YPEL2: variants seen among roughly 807,000 people sequenced by gnomAD.
The protein encoded by YPEL2 is yippee like 2, also known as protein yippee-like 2.
Under a neutral mutation model 19.1 loss-of-function variants are expected in YPEL2, and 2 were observed. The ratio of observed to expected loss-of-function variants is 0.10; its 90% CI spans 0.04 to 0.33. The LOEUF (loss-of-function observed/expected upper bound fraction) is 0.33, where lower values mean the gene tolerates loss of function less well. Ranked by LOEUF, YPEL2 falls within the 10% of genes least tolerant of loss-of-function variation. The pLI, the probability that YPEL2 is intolerant of heterozygous loss-of-function variation, is 1.00. For synonymous variants in YPEL2, 52 were observed against 50.0 expected (o/e 1.04, Z -0.17); for missense variants, 66 against 140.7 (o/e 0.47, Z 2.68).
intron 1 of YPEL2, among the ~76,000 whole-genome samples, chr17:59,339,703 G>A (rs1356944031): frequency 6.6e-6 from 1 of 152,024 alleles, no homozygotes; most frequent in African/African-American, 2.4e-5. Flanking sequence ...AAGGGACGGG[G>A]GATTTGAATC....
intron 2 of YPEL2, among the ~76,000 whole-genome samples, chr17:59,361,949 C>T (rs1160033094): frequency 2.6e-5 from 4 of 152,070 alleles, no homozygotes; most frequent in African/African-American, 7.2e-5. Context: ...AGGGAGCAGC[C>T]GTTCTTTGGG....
At chr17:59,346,184 C>T (rs979311767) in intron 1 of YPEL2, among the ~76,000 whole-genome samples, 6 of 152,202 alleles carry the variant, frequency 3.9e-5, no homozygotes, top group African/African-American at 7.2e-5. Flanking sequence ...TCCTTTCTGC[C>T]GCCACCACCA....
In YPEL2 at chr17:59,349,127, T is replaced by A. The variant is rs1044982765; in HGVS notation, c.-195-4088T>A. Among the ~76,000 whole-genome samples the A allele has an allele frequency of 4.7e-5, 6 of 128,854 alleles. No individual in the cohort carries two copies. The Admixed American group carries it at 6.1e-4, about 13-fold the overall frequency. The allele number at this position is 128,854 out of a possible 152,430, so 84.5% of individuals were successfully genotyped here. ...AGGCAGAGCTTGCAGTGAGCCGAGA[T>A]GGCGCCACTGCACTCCAGCCTGGGT... On this transcript the variant is annotated intron_variant, in intron 1 of 4. Coordinates refer to ENST00000312655, the MANE Select transcript of YPEL2 (RefSeq NM_001005404.4).
At chr17:59,341,300 G>C (rs912068223) in intron 1 of YPEL2, among the ~76,000 whole-genome samples, 6 of 152,030 alleles carry the variant, frequency 3.9e-5, no homozygotes, top group Non-Finnish European at 7.4e-5. Context: ...GCTGAGGCAG[G>C]AGAATCGCTT....
At chr17:59,341,427 T>C (rs113267885) in intron 1 of YPEL2, among the ~76,000 whole-genome samples, 2,697 of 151,016 alleles carry the variant, frequency 0.018, 103 homozygotes, top group African/African-American at 0.062. Context: ...CTCATGCCTG[T>C]AATCCCAGCA....
At chr17:59,389,834 A>G (rs897653246) in intron 4 of YPEL2, among the ~76,000 whole-genome samples, 5 of 152,034 alleles carry the variant, frequency 3.3e-5, no homozygotes, top group African/African-American at 1.2e-4. Flanking sequence ...GGTTAATAGT[A>G]TGTCCAAGGC....
chr17:59,367,042 C>T lies in YPEL2; in HGVS notation c.117+13516C>T, dbSNP rs777503072. Reference sequence around the variant, plus strand: ...TAAGGTCTGACAAATCTAGGTCACCCGGCTGCTGCCAGGTACCTGTGTGAC... The same window carrying T: ...TAAGGTCTGACAAATCTAGGTCACCTGGCTGCTGCCAGGTACCTGTGTGAC... On this transcript the variant is annotated intron_variant, in intron 2 of 4. Transcript: ENST00000312655. Among the ~76,000 whole-genome samples the T allele has an allele frequency of 2.0e-5, 3 of 152,186 alleles. No individual in the cohort carries two copies. In the East Asian group the frequency reaches 5.8e-4, roughly 29 times the overall value.
rs1289195198 is a variant in YPEL2, at chr17:59,353,638, G to C, written c.117+112G>C. 1.2e-6 allele frequency: 1 copy of C among 862,212 alleles called. No homozygotes were observed. Among genetic ancestry groups the C allele is most frequent in the Non-Finnish European group, 2.0e-6 (1 of 507,586 alleles). 53.4% of individuals were successfully genotyped at this position (862,212 alleles called of 1,614,324 possible). ...AATATTTGTACTCCATCTTTGTACA[G>C]GGAGGGCTGACCCACGTGACCGTCT... On this transcript the variant is annotated intron_variant, in intron 2 of 4. Transcript: ENST00000312655. The surrounding 1 kb of genome is among the most constrained non-coding windows in gnomAD (Gnocchi z 4.8).
chr17:59,367,061 G>A (rs2047873867), intron 2 of YPEL2, among the ~76,000 whole-genome samples: 1 of 152,232 alleles, frequency 6.6e-6, no homozygotes, highest in South Asian at 2.1e-4. Flanking sequence ...CCAGGTACCT[G>A]TGTGACTGGC....
At chr17:59,338,249 G>T (rs2047709373) in intron 1 of YPEL2, among the ~76,000 whole-genome samples, 1 of 152,182 alleles carries the variant, frequency 6.6e-6, no homozygotes, top group Non-Finnish European at 1.5e-5. Context: ...AGGAAGGCTT[G>T]ACATCCAGTT....
chr17:59,360,911 A>G (rs2047837512), intron 2 of YPEL2, among the ~76,000 whole-genome samples: 1 of 152,142 alleles, frequency 6.6e-6, no homozygotes, highest in Non-Finnish European at 1.5e-5. Flanking sequence ...GGCTCACTGC[A>G]ATCTCTGCCT....
At chr17:59,370,748 C>CACAGAGGAAGGG (rs59948891) in intron 2 of YPEL2, among the ~76,000 whole-genome samples, 98,877 of 151,570 alleles carry the variant, frequency 0.65, 33,884 homozygotes, top group African/African-American at 0.87. Context: ...AGCCATGGCA[C>CACAGAGGAAGGG]ACAGAGGAGG....
chr17:59,379,779 T>G (rs564435928), intron 2 of YPEL2, among the ~76,000 whole-genome samples: 9 of 152,340 alleles, frequency 5.9e-5, no homozygotes, highest in African/African-American at 2.2e-4. Context: ...TCTCAATTTT[T>G]AAAAGCTCAA....
At chr17:59,331,983 G>T (rs1228727390) in intron 1 of YPEL2, among the ~76,000 whole-genome samples, 159 bp downstream of exon 1, 1 of 151,482 alleles carries the variant, frequency 6.6e-6, no homozygotes, top group Non-Finnish European at 1.5e-5. Context: ...GGGTCCCCGT[G>T]GGCGCCGGGG....
chr17:59,394,870 C>T (rs1018550486), intron 4 of YPEL2, among the ~76,000 whole-genome samples: 4 of 152,236 alleles, frequency 2.6e-5, no homozygotes, highest in Admixed American at 2.0e-4. Flanking sequence ...GCGGATCACT[C>T]GCGGTTAGGA....
intron 2 of YPEL2, among the ~76,000 whole-genome samples, chr17:59,372,307 A>C: frequency 6.6e-6 from 1 of 152,254 alleles, no homozygotes; most frequent in Non-Finnish European, 1.5e-5. Context: ...CAGATGGCTG[A>C]TAGCAAATGC....
chr17:59,359,437 A>G (rs2047829355), intron 2 of YPEL2, among the ~76,000 whole-genome samples: 1 of 152,236 alleles, frequency 6.6e-6, no homozygotes, highest in Non-Finnish European at 1.5e-5. Flanking sequence ...CACATCAGAC[A>G]GCATAATTCA....
chr17:59,352,202 C>T (rs753821810), intron 1 of YPEL2, among the ~76,000 whole-genome samples: 1 of 152,158 alleles, frequency 6.6e-6, no homozygotes, highest in Non-Finnish European at 1.5e-5. Flanking sequence ...TGCCTGCTCT[C>T]CTGGGAGGTA....
intron 3 of YPEL2, 63 bp from the exon 4 acceptor site, chr17:59,389,297 A>G: frequency 6.9e-7 from 1 of 1,454,836 alleles, no homozygotes. Flanking sequence ...CTGGAAGCTC[A>G]GCTTGAATGC....
Sources: gnomAD v4.1 joint callset for allele counts (sites outside exome capture counted in the v4.1 genomes callset) on GRCh38, gnomAD v4.1.1 for gene constraint, Gnocchi (gnomAD v3.1) non-coding constraint, MANE v1.5 for transcripts, NCBI Gene and HGNC (gene_info 2026-07-23, HGNC 2026-07-21) for gene names.